The following UNC93A variants were observed in gnomAD, a reference collection of about 807,000 sequenced individuals.
UNC93A encodes the protein N-acetylglucosamine transporter UNC93A.
UNC93A carries 43 observed loss-of-function variants against 47.5 expected under a neutral mutation model. The observed-to-expected ratio is 0.91, with a 90% CI of 0.71 to 1.17. The LOEUF (loss-of-function observed/expected upper bound fraction) is 1.17. Among genes scored for constraint, UNC93A ranks in the 50% most tolerant of loss-of-function variants. The pLI, the probability that UNC93A is intolerant of heterozygous loss-of-function variation, is 0.00. For missense variants in UNC93A, 605 were observed against 577.6 expected (o/e 1.05, Z -0.49); for synonymous variants, 280 against 258.0 (o/e 1.09, Z -0.82).
At chr6:167,299,615 C>T (rs371358697) in intron 4 of UNC93A, among the ~76,000 whole-genome samples, 18 of 152,298 alleles carry the variant, frequency 1.2e-4, no homozygotes, top group African/African-American at 3.1e-4. Context: ...GAGACCAGTC[C>T]GACAGTGTTC....
chr6:167,299,220 ATTC>A (rs1778175728), intron 4 of UNC93A, among the ~76,000 whole-genome samples: 1 of 139,546 alleles, frequency 7.2e-6, no homozygotes, highest in Non-Finnish European at 1.5e-5. Context: ...ATATATATAT[ATTC>A]TTTGTCATTC....
upstream of UNC93A, among the ~76,000 whole-genome samples, chr6:167,288,452 ACACACAC>A (rs1562345637): frequency 1.0e-3 from 73 of 69,774 alleles, no homozygotes; most frequent in African/African-American, 2.1e-3. Context: ...TCTTCCTTAC[ACACACAC>A]ACACACACAC....
intron 5 of UNC93A, 130 bp from the exon 6 acceptor site, chr6:167,305,785 A>G (rs1486432916): frequency 3.1e-6 from 4 of 1,280,300 alleles, no homozygotes; most frequent in Non-Finnish European, 4.4e-6. Flanking sequence ...CAGAGCCTAG[A>G]GGAAGGTGTA....
Position 167,305,843 on chromosome 6 carries a change from C to G in UNC93A, c.841-72C>G, listed in dbSNP as rs963161251. On this transcript the variant is annotated intron_variant, in intron 5 of 7. Coordinates refer to ENST00000230256, the MANE Select transcript of UNC93A (RefSeq NM_018974.4). ...TCTCAGAGCAGATGTTCTAAGCACCCGACTGCAGCTTTAGCTTGAGCACGG... is the reference window on the plus strand; with the variant it reads ...TCTCAGAGCAGATGTTCTAAGCACCGGACTGCAGCTTTAGCTTGAGCACGG... The G allele has an allele frequency of 6.2e-5, 100 of 1,604,328 alleles. No homozygotes were observed. The East Asian group carries it at 1.8e-3, about 28-fold the overall frequency.
intron 1 of UNC93A, among the ~76,000 whole-genome samples, chr6:167,281,148 T>C (rs1054192091): frequency 2.0e-5 from 3 of 150,036 alleles, no homozygotes; most frequent in Admixed American, 2.0e-4. Context: ...GCCATCCCAC[T>C]GAGAGGAGCC....
chr6:167,306,375 G>A (rs998416370), intron 6 of UNC93A, among the ~76,000 whole-genome samples: 3 of 152,184 alleles, frequency 2.0e-5, no homozygotes, highest in Non-Finnish European at 2.9e-5. Context: ...TGAGGGACAC[G>A]AAGCCAGTGG....
chr6:167,273,484 A>G (rs939131291), intron 1 of UNC93A, among the ~76,000 whole-genome samples: 8 of 152,188 alleles, frequency 5.3e-5, no homozygotes, highest in South Asian at 2.1e-4. Context: ...TTTGGGTGCC[A>G]TATGTGGTGA....
chr6:167,314,226 C>A (rs1183626578), intron 7 of UNC93A, among the ~76,000 whole-genome samples: 1 of 143,738 alleles, frequency 7.0e-6, no homozygotes, highest in African/African-American at 2.6e-5. Context: ...TCTTTCCACA[C>A]TCCTGTGTGT....
chr6:167,293,495 G>A (rs531339057), intron 1 of UNC93A, among the ~76,000 whole-genome samples: 1 of 152,138 alleles, frequency 6.6e-6, no homozygotes, highest in Non-Finnish European at 1.5e-5. Flanking sequence ...GGACTGGCAT[G>A]GGCAACACAG....
chr6:167,275,074 C>T (rs1783517049), intron 1 of UNC93A, among the ~76,000 whole-genome samples: 2 of 152,196 alleles, frequency 1.3e-5, no homozygotes, highest in African/African-American at 2.4e-5. Flanking sequence ...GTTGAGGGGG[C>T]CTCCTTCCAT....
chr6:167,286,197 C>G (rs1186231229), intron 1 of UNC93A, among the ~76,000 whole-genome samples: 2 of 151,568 alleles, frequency 1.3e-5, no homozygotes, highest in African/African-American at 2.4e-5. Context: ...AAGATGTTCT[C>G]CCTTCATCAT....
intron 1 of UNC93A, among the ~76,000 whole-genome samples, chr6:167,282,282 A>G (rs1007457642): frequency 6.6e-6 from 1 of 151,962 alleles, no homozygotes; most frequent in African/African-American, 2.4e-5. Context: ...CATGAGAGAG[A>G]GTGGAGGCCT....
chr6:167,283,795 A>C (rs1783674327), intron 1 of UNC93A, among the ~76,000 whole-genome samples: 1 of 152,198 alleles, frequency 6.6e-6, no homozygotes. Flanking sequence ...TCAATGGTTA[A>C]AAGAGTATAG....
chr6:167,314,448 A>G (rs4709168), intron 7 of UNC93A, among the ~76,000 whole-genome samples: 86,989 of 151,678 alleles, frequency 0.57, 25,159 homozygotes, highest in East Asian at 0.79. Context: ...CCTGCCCCCC[A>G]CCTGCCTACT....
intron 1 of UNC93A, among the ~76,000 whole-genome samples, chr6:167,277,845 G>GTCCC (rs1328207070): frequency 8.1e-6 from 1 of 123,872 alleles, no homozygotes; most frequent in Non-Finnish European, 1.6e-5. Flanking sequence ...TTCTCCCTCT[G>GTCCC]TCTCTGTCCC....
upstream of UNC93A, among the ~76,000 whole-genome samples, chr6:167,287,070 C>T (rs1055698642): frequency 3.3e-5 from 5 of 151,864 alleles, no homozygotes; most frequent in South Asian, 2.1e-4. Context: ...GGTTGGCTCT[C>T]GGCTGTACAA....
intron 7 of UNC93A, among the ~76,000 whole-genome samples, chr6:167,308,408 C>T (rs563078825): frequency 7.2e-5 from 11 of 152,150 alleles, no homozygotes; most frequent in East Asian, 5.8e-4. Flanking sequence ...TGTCTGTGGA[C>T]GGGGCTCTGG....
chr6:167,293,695 A>G (rs1777957340), intron 1 of UNC93A, among the ~76,000 whole-genome samples: 1 of 152,176 alleles, frequency 6.6e-6, no homozygotes, highest in Non-Finnish European at 1.5e-5. Context: ...GCCTCATTCC[A>G]GAGAGTTCTC....
intron 1 of UNC93A, among the ~76,000 whole-genome samples, chr6:167,282,531 T>C (rs1428047848): frequency 6.6e-6 from 1 of 152,172 alleles, no homozygotes; most frequent in Non-Finnish European, 1.5e-5. Flanking sequence ...CTTGAAAATG[T>C]TGACAAGTTC....
Sources: allele counts gnomAD v4.1 joint callset (sites outside exome capture counted in the v4.1 genomes callset), GRCh38; gene constraint gnomAD v4.1.1; transcripts MANE v1.5; gene names NCBI Gene and HGNC (gene_info 2026-07-23, HGNC 2026-07-21).